Variants in XKR6 observed in about 807,000 individuals in gnomAD.
XKR6 encodes XK-related protein 6.
XKR6 carries 22 observed loss-of-function variants against 56.7 expected under a neutral mutation model. That is an observed-to-expected ratio of 0.39 (90% confidence interval 0.28 to 0.55). The LOEUF (loss-of-function observed/expected upper bound fraction) is 0.55, where lower values mean the gene tolerates loss of function less well. Ranked by LOEUF, XKR6 falls within the 20% of genes least tolerant of loss-of-function variation. The pLI is 0.66. For missense variants in XKR6, 852 were observed against 889.0 expected (o/e 0.96, Z 0.53); for synonymous variants, 524 against 387.8 (o/e 1.35, Z -4.13).
chr8:11,121,733 C>T (rs1799465291), intron 1 of XKR6, among the ~76,000 whole-genome samples: 1 of 152,186 alleles, frequency 6.6e-6, no homozygotes, highest in Non-Finnish European at 1.5e-5. Context: ...GACACATGCA[C>T]ACATATGTTT....
chr8:11,167,241 T>G (rs1390326216), intron 1 of XKR6, among the ~76,000 whole-genome samples: 5 of 152,182 alleles, frequency 3.3e-5, no homozygotes, highest in Non-Finnish European at 7.3e-5. Context: ...AACTGAACAC[T>G]GAATCAAGAA....
rs868087347 is a variant in XKR6, at chr8:11,073,004, C to A, written c.764+127572G>T. Among the ~76,000 whole-genome samples, 3 of 151,552 alleles carry A rather than the reference C, an allele frequency of 2.0e-5. No homozygotes were observed. In the South Asian group the frequency reaches 6.3e-4, roughly 32 times the overall value. Reference sequence around the variant, plus strand: ...GGCGGAGGGTGCAGTGAGCCAAGATCGCGCCTCTGTACTCCAGCCTCAGCG... The same window carrying A: ...GGCGGAGGGTGCAGTGAGCCAAGATAGCGCCTCTGTACTCCAGCCTCAGCG... On this transcript the variant is annotated intron_variant, in intron 1 of 2. Coordinates refer to ENST00000416569, the MANE Select transcript of XKR6 (RefSeq NM_173683.4).
At chr8:11,053,294 T>C (rs1586482018) in intron 1 of XKR6, among the ~76,000 whole-genome samples, 2 of 152,152 alleles carry the variant, frequency 1.3e-5, no homozygotes, top group East Asian at 3.9e-4. Flanking sequence ...GTCTCTAAAG[T>C]CTCTGCATTA....
chr8:11,047,916 T>A (rs1038188159), intron 1 of XKR6, among the ~76,000 whole-genome samples: 1 of 152,178 alleles, frequency 6.6e-6, no homozygotes, highest in Non-Finnish European at 1.5e-5. Flanking sequence ...CTGATTAGTG[T>A]TGAAAGTCCC....
chr8:11,128,697 G>C, intron 1 of XKR6: 2 of 382,334 alleles, frequency 5.2e-6, no homozygotes, highest in Non-Finnish European at 1.0e-5. Flanking sequence ...TTGTTAAATG[G>C]CTGTTCATTA....
intron 1 of XKR6, among the ~76,000 whole-genome samples, chr8:11,095,891 T>G (rs891079870): frequency 3.9e-5 from 6 of 152,238 alleles, no homozygotes; most frequent in Non-Finnish European, 7.3e-5. Flanking sequence ...GTAATTCCAC[T>G]GTTTTCCAAT....
chr8:11,150,717 G>T (rs1801229741), intron 1 of XKR6, among the ~76,000 whole-genome samples: 1 of 151,994 alleles, frequency 6.6e-6, no homozygotes, highest in African/African-American at 2.4e-5. Context: ...GCTGGGTGTG[G>T]TGGCGGGCGC....
At position 11,130,431 on chromosome 8, in the gene XKR6, T is replaced by C. The variant is rs532218671; in HGVS notation, c.764+70145A>G. Among the ~76,000 whole-genome samples, 16 of 152,182 alleles carry C rather than the reference T, an allele frequency of 1.1e-4. 1 individual carries two copies. In the South Asian group the frequency reaches 2.9e-3, roughly 28 times the overall value. On this transcript the variant is annotated intron_variant, in intron 1 of 2. Coordinates refer to ENST00000416569, the MANE Select transcript of XKR6 (RefSeq NM_173683.4). ...TATCCATCCACGCTCCTTGGAACCA[T>C]CAGGATCAGGGGCGAGAACCGGGAC...
chr8:11,028,151 C>T (rs1011993000), intron 1 of XKR6, among the ~76,000 whole-genome samples: 7 of 152,142 alleles, frequency 4.6e-5, no homozygotes, highest in Admixed American at 1.3e-4. Context: ...CGGCAACCAC[C>T]GAGATATTTA....
Position 11,087,568 on chromosome 8 carries a change from T to C in XKR6, c.764+113008A>G, listed in dbSNP as rs115978559. Among the ~76,000 whole-genome samples the C allele has an allele frequency of 2.4e-3, 371 of 152,232 alleles. 1 individual carries two copies. The highest frequency in any genetic ancestry group is 8.7e-3 in the African/African-American group (363 of 41,556). On this transcript the variant is annotated intron_variant, in intron 1 of 2. Coordinates refer to ENST00000416569, the MANE Select transcript of XKR6 (RefSeq NM_173683.4). ...AGACCTCCTCTCCTTCCTCTGGACATGGTCAGGTCTCAAAATGATGACCAG... is the reference window on the plus strand; with the variant it reads ...AGACCTCCTCTCCTTCCTCTGGACACGGTCAGGTCTCAAAATGATGACCAG...
chr8:11,189,681 A>C (rs1803448437), intron 1 of XKR6, among the ~76,000 whole-genome samples: 1 of 152,232 alleles, frequency 6.6e-6, no homozygotes, highest in African/African-American at 2.4e-5. Flanking sequence ...GGCAGAAATC[A>C]GCCTGTACAA....
At chr8:11,193,161 A>C (rs1167111201) in intron 1 of XKR6, among the ~76,000 whole-genome samples, 1 of 152,192 alleles carries the variant, frequency 6.6e-6, no homozygotes. Context: ...TGAATACTCT[A>C]ATTTCTTCCT....
Position 11,174,770 on chromosome 8 carries a change from G to A in XKR6, c.764+25806C>T, listed in dbSNP as rs111661466. ...CTAGCTCTCACCTGGAGTCTCGGGA[G>A]CACATACTAGAGGGCTTCTCATTAT... On this transcript the variant is annotated intron_variant, in intron 1 of 2. Transcript: ENST00000416569. Among the ~76,000 whole-genome samples, 287 of 152,200 alleles carry A rather than the reference G, an allele frequency of 1.9e-3. 1 individual carries two copies. The highest frequency in any genetic ancestry group is 6.6e-3 in the African/African-American group (274 of 41,508).
At chr8:11,197,549 C>A (rs73665026) in intron 1 of XKR6, among the ~76,000 whole-genome samples, 3,836 of 152,270 alleles carry the variant, frequency 0.025, 179 homozygotes, top group African/African-American at 0.085. Flanking sequence ...CAGTTATCCC[C>A]ACAAAAAGCA....
chr8:11,013,095 G>C (rs4320511), intron 1 of XKR6, among the ~76,000 whole-genome samples: 1 of 151,964 alleles, frequency 6.6e-6, no homozygotes, highest in Non-Finnish European at 1.5e-5. Flanking sequence ...GCCAAGCTCA[G>C]ATGAGAACAG....
At chr8:11,122,915 C>T (rs892944500) in intron 1 of XKR6, among the ~76,000 whole-genome samples, 7 of 152,086 alleles carry the variant, frequency 4.6e-5, no homozygotes, top group South Asian at 2.1e-4. Flanking sequence ...CTCACTAACA[C>T]AATAAGTTAA....
At chr8:10,945,271 G>A (rs1424869358) in intron 1 of XKR6, among the ~76,000 whole-genome samples, 1 of 152,208 alleles carries the variant, frequency 6.6e-6, no homozygotes, top group Non-Finnish European at 1.5e-5. Context: ...ATCACACGAG[G>A]TCGGGAGTTC....
chr8:11,085,454 G>GTGTA (rs1339408257), intron 1 of XKR6, among the ~76,000 whole-genome samples: 2 of 152,168 alleles, frequency 1.3e-5, no homozygotes, highest in Admixed American at 6.5e-5. Context: ...GTGTGTGTGT[G>GTGTA]TGTATGTATG....
chr8:10,973,615 T>C (rs770082182), intron 1 of XKR6, among the ~76,000 whole-genome samples: 1 of 152,228 alleles, frequency 6.6e-6, no homozygotes, highest in Non-Finnish European at 1.5e-5. Context: ...TAAAAGTCCC[T>C]GTTGCCCAGG....
Sources: allele counts gnomAD v4.1 joint callset (sites outside exome capture counted in the v4.1 genomes callset), GRCh38; gene constraint gnomAD v4.1.1; transcripts MANE v1.5; gene names NCBI Gene and HGNC (gene_info 2026-07-23, HGNC 2026-07-21).